The following TOP3A variants were observed in gnomAD, a reference collection of about 807,000 sequenced individuals.
TOP3A encodes DNA topoisomerase III alpha, also known as DNA topoisomerase 3-alpha.
Under a neutral mutation model 111.3 loss-of-function variants are expected in TOP3A, and 64 were observed. The ratio of observed to expected loss-of-function variants is 0.57; its 90% CI spans 0.47 to 0.71. The LOEUF (loss-of-function observed/expected upper bound fraction) is 0.71. Ranked by LOEUF, TOP3A falls within the 30% of genes least tolerant of loss-of-function variation. The probability of loss-of-function intolerance (pLI) is 0.00; values close to 1 mark genes in which losing one functional copy is unlikely to be tolerated. For missense variants in TOP3A, 1,104 were observed against 1,285.0 expected (o/e 0.86, Z 2.15); for synonymous variants, 484 against 485.1 (o/e 1.00, Z 0.03).
intron 18 of TOP3A, 96 bp from the exon 19 acceptor site, chr17:18,275,076 T>C (rs1979256412): frequency 1.3e-5 from 19 of 1,490,940 alleles, no homozygotes; most frequent in Non-Finnish European, 1.7e-5. Flanking sequence ...CCCAGCACTT[T>C]AGGAAGCTGA....
chr17:18,299,533 C>T, intron 9 of TOP3A, 26 bp downstream of exon 9: 1 of 1,610,946 alleles, frequency 6.2e-7, no homozygotes, highest in Middle Eastern at 1.7e-4. Context: ...TCCCCGAGTG[C>T]CTGAAACAGC....
intron 15 of TOP3A, among the ~76,000 whole-genome samples, chr17:18,283,993 A>G (rs1230369283): frequency 6.6e-6 from 1 of 151,756 alleles, no homozygotes; most frequent in Non-Finnish European, 1.5e-5. Flanking sequence ...CCCAAACCCA[A>G]TTGTTTGATT....
intron 13 of TOP3A, 47 bp downstream of exon 13, chr17:18,290,510 G>GT (rs1252180541): frequency 1.3e-6 from 2 of 1,508,868 alleles, no homozygotes; most frequent in Non-Finnish European, 8.9e-7. Flanking sequence ...CTGGTACACT[G>GT]TAAGCCTTAG....
In TOP3A at chr17:18,278,187, A is replaced by G. The variant is rs755132432; in HGVS notation, c.2315T>C (p.Leu772Pro). 6.2e-7 allele frequency: 1 copy of G among 1,612,524 alleles called. No homozygotes were observed. The highest frequency in any genetic ancestry group is 8.5e-7 in the Non-Finnish European group (1 of 1,178,712). Residue 772 changes from leucine (L) to proline (P), a missense_variant, in exon 18 of 19, where the codon CTG becomes CCG. By Grantham distance (98) the Leu-to-Pro change is moderately conservative (BLOSUM62 -3). Transcript: ENST00000321105. Reference sequence around the variant, plus strand: ...GTGCTGGCTGTTGTCCATCCTGTTCAGGGACTGGTTAGCCTGCAGGCGGCC... The same window carrying G: ...GTGCTGGCTGTTGTCCATCCTGTTCGGGGACTGGTTAGCCTGCAGGCGGCC... ...PSGRLQANQSLNRMDNSQHPQ... is the reference protein window; with the variant it reads ...PSGRLQANQSPNRMDNSQHPQ...
rs897254770 is a variant in TOP3A, at chr17:18,273,357, A to G, written c.*1445T>C. On this transcript the variant is annotated 3_prime_UTR_variant, in exon 19 of 19. Coordinates refer to ENST00000321105, the MANE Select transcript of TOP3A (RefSeq NM_004618.5). ...CACCACTGGAAAAAGTGGAAGATGG[A>G]AAGTTAGTGATCTGAATCTGAACCT... is the stretch of plus-strand genomic sequence containing the variant. 2.6e-5 allele frequency: 4 copies of G among 152,370 alleles called. No individual in the cohort carries two copies. Among genetic ancestry groups the G allele is most frequent in the African/African-American group, 9.6e-5 (4 of 41,584 alleles). 9.4% of individuals were successfully genotyped at this position (152,370 alleles called of 1,614,324 possible). A position where few individuals can be genotyped will look rare whatever the true frequency, so the allele number is the denominator to read the frequency against.
Position 18,314,751 on chromosome 17 carries a change from G to T in TOP3A, c.28C>A (p.Leu10Ile). The change falls in exon 1 of 19, where the codon CTC becomes ATC. Residue 10 changes from leucine to isoleucine, a missense_variant. Transcript: ENST00000321105. Reference sequence around the variant, plus strand: ...TCTTCGGGCCGTCGCAGCCACCGGAGCGCGTAGCGGGCGACAGGAAAGATC... The same window carrying T: ...TCTTCGGGCCGTCGCAGCCACCGGATCGCGTAGCGGGCGACAGGAAAGATC... MIFPVARYA[L>I]RWLRRPEDRA... The T allele has an allele frequency of 4.5e-6, 7 of 1,563,196 alleles. No individual in the cohort carries two copies. Among genetic ancestry groups the T allele is most frequent in the Non-Finnish European group, 6.1e-6 (7 of 1,154,286 alleles).
intron 5 of TOP3A, chr17:18,302,964 T>C (rs1597982429): frequency 4.4e-6 from 2 of 456,120 alleles, no homozygotes; most frequent in East Asian, 7.8e-5. Context: ...AGCTAGTAAC[T>C]GTGGGGAAAA....
chr17:18,297,438 G>GTCGCTCTCCCTCTCCCCACGGTC (rs1555571027), intron 9 of TOP3A, among the ~76,000 whole-genome samples: 5 of 145,906 alleles, frequency 3.4e-5, no homozygotes, highest in Non-Finnish European at 6.0e-5. Context: ...CCCTGTCCCT[G>GTCGCTCTCCCTCTCCCCACGGTC]TCCCTCTCCC....
Position 18,273,939 on chromosome 17 carries a change from T to C in TOP3A, c.*863A>G, listed in dbSNP as rs1252019067. 1 of 152,082 alleles carries C rather than the reference T, an allele frequency of 6.6e-6. No individual in the cohort carries two copies. The highest frequency in any genetic ancestry group is 1.9e-4 in the East Asian group (1 of 5,180). 9.4% of individuals were successfully genotyped at this position (152,082 alleles called of 1,614,324 possible). Reference sequence around the variant, plus strand: ...CGCCCTGCCGGGGTTGGATTCTTTTTATTTTTTTAAATTTTTAAATTTTTT... The same window carrying C: ...CGCCCTGCCGGGGTTGGATTCTTTTCATTTTTTTAAATTTTTAAATTTTTT... On this transcript the variant is annotated 3_prime_UTR_variant, in exon 19 of 19. Transcript: ENST00000321105.
At chr17:18,297,598 T>C (rs529176351) in intron 9 of TOP3A, among the ~76,000 whole-genome samples, 2,729 of 152,272 alleles carry the variant, frequency 0.018, 88 homozygotes, top group African/African-American at 0.062. Context: ...GGTTTTCGTA[T>C]TTTTTTGGTG....
At chr17:18,293,876 T>C (rs561564762) in intron 10 of TOP3A, among the ~76,000 whole-genome samples, 1 of 152,330 alleles carries the variant, frequency 6.6e-6, no homozygotes, top group East Asian at 1.9e-4. Flanking sequence ...ATTACAGGCG[T>C]GAGCCACCAC....
Position 18,290,898 on chromosome 17 carries a change from T to C in TOP3A, c.1411A>G (p.Met471Val), listed in dbSNP as rs778063670. 5.6e-6 allele frequency: 9 copies of C among 1,614,216 alleles called. No homozygotes were observed. The highest frequency in any genetic ancestry group is 1.1e-5 in the South Asian group (1 of 91,082). Residue 471 changes from methionine (M) to valine (V), a missense_variant, in exon 12 of 19, where the codon ATG becomes GTG. By Grantham distance (21) the Met-to-Val change is conservative. Transcript: ENST00000321105. The part of the protein sequence containing the change: ...AQERFVAHGL[M>V]ILARNYLDVY... ...TCCAGATAGTTTCGGGCCAGAATCATGAGGCCATGGGCCACAAAGCGTTCC... is the reference window on the plus strand; with the variant it reads ...TCCAGATAGTTTCGGGCCAGAATCACGAGGCCATGGGCCACAAAGCGTTCC...
intron 17 of TOP3A, among the ~76,000 whole-genome samples, chr17:18,279,996 CA>C (rs1053902766): frequency 2.0e-5 from 3 of 152,010 alleles, no homozygotes; most frequent in African/African-American, 7.2e-5. Context: ...ACTAAAAATA[CA>C]AAAAGTGGTC....
At chr17:18,275,670 T>C (rs58115308) in intron 18 of TOP3A, among the ~76,000 whole-genome samples, 6,064 of 127,406 alleles carry the variant, frequency 0.048, 352 homozygotes, top group African/African-American at 0.16. Flanking sequence ...CCTTTTTTTT[T>C]TGAGGTGGAG....
intron 9 of TOP3A, among the ~76,000 whole-genome samples, chr17:18,296,001 C>T (rs1980779311): frequency 7.1e-6 from 1 of 141,260 alleles, no homozygotes; most frequent in African/African-American, 2.6e-5. Flanking sequence ...TCTCCTACCT[C>T]GTGATCTGCC....
In TOP3A at chr17:18,274,673, C is replaced by T. The variant is rs1567731152; in HGVS notation, c.*129G>A. On this transcript the variant is annotated 3_prime_UTR_variant, in exon 19 of 19. Transcript: ENST00000321105. Reference sequence around the variant, plus strand: ...TTGTGCCCCTTAACACAAGAAGGCCCGACTCCAAAGGCCAACACTGTCCTC... The same window carrying T: ...TTGTGCCCCTTAACACAAGAAGGCCTGACTCCAAAGGCCAACACTGTCCTC... The T allele has an allele frequency of 2.5e-5, 37 of 1,451,358 alleles. 1 individual carries two copies. Among genetic ancestry groups the T allele is most frequent in the East Asian group, 9.5e-5 (4 of 42,262 alleles). 89.9% of individuals were successfully genotyped at this position (1,451,358 alleles called of 1,614,324 possible). A position where few individuals can be genotyped will look rare whatever the true frequency, so the allele number is the denominator to read the frequency against.
intron 18 of TOP3A, 70 bp downstream of exon 18, chr17:18,277,604 GC>G (rs1979457481): frequency 2.6e-6 from 4 of 1,522,186 alleles, no homozygotes; most frequent in Admixed American, 3.7e-5. Flanking sequence ...CCTTCTTTCT[GC>G]TGTCCCCAGT....
chr17:18,274,602 G>T lies in TOP3A; in HGVS notation c.*200C>A. On this transcript the variant is annotated 3_prime_UTR_variant, in exon 19 of 19. Transcript: ENST00000321105. ...TGGTCACTCCTGAGGCCTGGGAAGAGGGTCACTGTCCAGCAGAGCTGGCCT... is the reference window on the plus strand; with the variant it reads ...TGGTCACTCCTGAGGCCTGGGAAGATGGTCACTGTCCAGCAGAGCTGGCCT... 1.2e-6 allele frequency: 1 copy of T among 835,754 alleles called. No individual in the cohort carries two copies. The highest frequency in any genetic ancestry group is 1.7e-6 in the Non-Finnish European group (1 of 578,740). The allele number at this position is 835,754 out of a possible 1,614,324, so 51.8% of individuals were successfully genotyped here. A position where few individuals can be genotyped will look rare whatever the true frequency, so the allele number is the denominator to read the frequency against.
Position 18,271,829 on chromosome 17 carries a change from G to C in TOP3A, c.*2973C>G, listed in dbSNP as rs142907713. 1 of 428,210 alleles carries C rather than the reference G, an allele frequency of 2.3e-6. No individual in the cohort carries two copies. Among genetic ancestry groups the C allele is most frequent in the African/African-American group, 2.1e-5 (1 of 47,042 alleles). The allele number at this position is 428,210 out of a possible 1,614,324, so 26.5% of individuals were successfully genotyped here. ...GTTAATCCTAGCACTTTGGGAGGCC[G>C]AGGCTGGTAGATCACCTGAGGTCAC... On this transcript the variant is annotated 3_prime_UTR_variant, in exon 19 of 19. Coordinates refer to ENST00000321105, the MANE Select transcript of TOP3A (RefSeq NM_004618.5).
Sources: gnomAD v4.1 joint callset for allele counts (sites outside exome capture counted in the v4.1 genomes callset) on GRCh38, gnomAD v4.1.1 for gene constraint, MANE v1.5 for transcripts, NCBI Gene and HGNC (gene_info 2026-07-23, HGNC 2026-07-21) for gene names.